Variants in NCOA1 observed in about 807,000 individuals in gnomAD.
NCOA1 encodes Hin-2 protein.
NCOA1 carries 35 observed loss-of-function variants against 150.9 expected under a neutral mutation model. The ratio of observed to expected loss-of-function variants is 0.23; its 90% confidence interval spans 0.18 to 0.31. The LOEUF (loss-of-function observed/expected upper bound fraction) is 0.31. NCOA1 is among the 10% of genes least tolerant of loss of function. The pLI is 1.00. For missense variants in NCOA1, 1,491 were observed against 1,749.3 expected (o/e 0.85, Z 2.63); for synonymous variants, 590 against 630.0 (o/e 0.94, Z 0.95).
intron 4 of NCOA1, among the ~76,000 whole-genome samples, chr2:24,647,295 A>C (rs1179202402): frequency 6.6e-6 from 1 of 152,142 alleles, no homozygotes; most frequent in Non-Finnish European, 1.5e-5. Context: ...AGCGTATGCA[A>C]ATTCTGGAAC....
intron 1 of NCOA1, among the ~76,000 whole-genome samples, chr2:24,559,482 C>T (rs759868063): frequency 6.6e-5 from 10 of 152,196 alleles, no homozygotes; most frequent in Admixed American, 1.3e-4. Context: ...TTGCCCCTTT[C>T]CCAGTGATAG....
chr2:24,494,589 A>G (rs1412728229), intron 1 of NCOA1, among the ~76,000 whole-genome samples: 1 of 152,216 alleles, frequency 6.6e-6, no homozygotes, highest in Non-Finnish European at 1.5e-5. Context: ...CCTTTTAAAT[A>G]TGATTATAAC....
intron 3 of NCOA1, among the ~76,000 whole-genome samples, chr2:24,590,366 A>G (rs1667605219): frequency 1.3e-5 from 2 of 152,186 alleles, no homozygotes; most frequent in Non-Finnish European, 2.9e-5. Flanking sequence ...TAATTGTAGT[A>G]GAGACTCTTA....
At chr2:24,493,170 A>T (rs1448783037) in intron 1 of NCOA1, among the ~76,000 whole-genome samples, 1 of 152,242 alleles carries the variant, frequency 6.6e-6, no homozygotes, top group Non-Finnish European at 1.5e-5. Flanking sequence ...ACAAATAGGC[A>T]TTCCTTGAAC....
At chr2:24,723,521 C>G (rs1674460631) in intron 14 of NCOA1, among the ~76,000 whole-genome samples, 1 of 152,168 alleles carries the variant, frequency 6.6e-6, no homozygotes, top group African/African-American at 2.4e-5. Context: ...TCAGCTTACA[C>G]CCTAACTGAT....
At chr2:24,643,765 G>A (rs1175089855) in intron 3 of NCOA1, among the ~76,000 whole-genome samples, 1 of 152,114 alleles carries the variant, frequency 6.6e-6, no homozygotes, top group African/African-American at 2.4e-5. Context: ...TCTCAAATAG[G>A]AGTATATACT....
chr2:24,577,381 C>T (rs1667034316), intron 2 of NCOA1, among the ~76,000 whole-genome samples: 1 of 152,038 alleles, frequency 6.6e-6, no homozygotes, highest in Non-Finnish European at 1.5e-5. Context: ...TTTTTAAATC[C>T]TTAAAGGTTT....
chr2:24,726,618 G>C lies in NCOA1; in HGVS notation c.2629G>C (p.Asp877His). 1.2e-6 allele frequency: 2 copies of C among 1,609,904 alleles called. No individual in the cohort carries two copies. Among genetic ancestry groups the C allele is most frequent in the Non-Finnish European group, 1.7e-6 (2 of 1,177,948 alleles). The change falls in exon 15 of 23, where the codon GAT (aspartate) becomes CAT (histidine). Residue 877 changes from aspartate (D) to histidine (H), a missense_variant. Physicochemically the swap from Asp to His is moderately conservative, Grantham distance 81 (BLOSUM62 -1). Around this residue, in one of 8 missense-constraint regions of NCOA1, gnomAD observed 703 missense variants for 717.7 expected, o/e 0.98. Transcript: ENST00000348332. ...ACCTGAGCTGGAATTGGAAGCAATT[G>C]ATAACCAATTTGGACAACCAGGAAC... is the stretch of plus-strand genomic sequence containing the variant. ...RLPELELEAI[D>H]NQFGQPGTGD...
intron 21 of NCOA1, 81 bp downstream of exon 21, chr2:24,758,237 C>T (rs1664599411): frequency 1.5e-6 from 2 of 1,304,440 alleles, no homozygotes; most frequent in Non-Finnish European, 2.1e-6. Context: ...GACAGTTACT[C>T]ATCAGAAATA....
intron 14 of NCOA1, among the ~76,000 whole-genome samples, chr2:24,718,023 A>C (rs376756035): frequency 6.6e-6 from 1 of 151,758 alleles, no homozygotes; most frequent in Non-Finnish European, 1.5e-5. Flanking sequence ...CAGCCTTCCA[A>C]GTAGCTGGGA....
At chr2:24,571,901 A>G (rs1418192825) in intron 2 of NCOA1, among the ~76,000 whole-genome samples, 2 of 152,094 alleles carry the variant, frequency 1.3e-5, no homozygotes, top group Admixed American at 6.6e-5. Context: ...CAGTTCATTC[A>G]TGGCTCATTT....
chr2:24,607,104 TCAGA>T (rs1172850937), intron 3 of NCOA1, among the ~76,000 whole-genome samples: 2 of 152,016 alleles, frequency 1.3e-5, no homozygotes, highest in African/African-American at 4.8e-5. Context: ...TTATTTGGTG[TCAGA>T]CAGATGTTGT....
intron 22 of NCOA1, among the ~76,000 whole-genome samples, chr2:24,767,264 C>CT (rs1665112920): frequency 6.6e-6 from 1 of 152,142 alleles, no homozygotes; most frequent in Non-Finnish European, 1.5e-5. Context: ...ATCTAAAATA[C>CT]TTTATGACCT....
intron 8 of NCOA1, 56 bp downstream of exon 8, chr2:24,683,184 A>G (rs1177404034): frequency 2.2e-6 from 2 of 898,660 alleles, no homozygotes; most frequent in Non-Finnish European, 3.1e-6. Context: ...TTCTCCTTAT[A>G]TAATATGTAT....
intron 1 of NCOA1, among the ~76,000 whole-genome samples, chr2:24,557,360 A>G (rs1422862086): frequency 1.3e-5 from 2 of 152,096 alleles, no homozygotes; most frequent in African/African-American, 4.8e-5. Context: ...TTACTTCTAT[A>G]TGTTACTAAC....
chr2:24,691,174 T>A (rs1247701776), intron 8 of NCOA1, among the ~76,000 whole-genome samples: 3 of 152,250 alleles, frequency 2.0e-5, no homozygotes, highest in Non-Finnish European at 4.4e-5. Flanking sequence ...CATTAACTGC[T>A]GTAAAATTCT....
At chr2:24,669,901 G>A (rs1448887049) in intron 6 of NCOA1, among the ~76,000 whole-genome samples, 1 of 152,206 alleles carries the variant, frequency 6.6e-6, no homozygotes, top group Non-Finnish European at 1.5e-5. Flanking sequence ...ACTTTGGGAG[G>A]CCAAGGTGAG....
At chr2:24,651,734 C>T (rs981181035) in intron 4 of NCOA1, among the ~76,000 whole-genome samples, 26 of 152,106 alleles carry the variant, frequency 1.7e-4, no homozygotes, top group East Asian at 9.7e-4. Flanking sequence ...GCTGAATAGA[C>T]ACATCTCCAA....
At chr2:24,741,346 T>G (rs1428448266) in intron 18 of NCOA1, among the ~76,000 whole-genome samples, 2 of 152,176 alleles carry the variant, frequency 1.3e-5, no homozygotes, top group African/African-American at 4.8e-5. Flanking sequence ...TTTTTTGGAA[T>G]TGAAAAAGTC....
Sources: gnomAD v4.1 joint callset for allele counts (sites outside exome capture counted in the v4.1 genomes callset) on GRCh38, gnomAD v4.1.1 for gene constraint, gnomAD v4.1.1 regional missense constraint, MANE v1.5 for transcripts, NCBI Gene and HGNC (gene_info 2026-07-23, HGNC 2026-07-21) for gene names.